PREX2: variants seen among roughly 807,000 people sequenced by gnomAD.
PREX2 encodes the protein phosphatidylinositol 3,4,5-trisphosphate-dependent Rac exchanger 2 protein.
In PREX2, 107 loss-of-function variants were observed where a neutral mutation model predicts 203.2. The observed-to-expected ratio is 0.53, with a 90% confidence interval of 0.45 to 0.62. The LOEUF (loss-of-function observed/expected upper bound fraction) is 0.62, where lower values mean the gene tolerates loss of function less well. PREX2 is among the 20% of genes least tolerant of loss of function. The pLI is 0.00. For synonymous variants in PREX2, 672 were observed against 663.6 expected (o/e 1.01, Z -0.19); for missense variants, 1,777 against 1,955.9 (o/e 0.91, Z 1.72).
intron 1 of PREX2, among the ~76,000 whole-genome samples, chr8:67,962,669 T>C (rs1805664399): frequency 6.6e-6 from 1 of 151,694 alleles, no homozygotes; most frequent in Non-Finnish European, 1.5e-5. Flanking sequence ...TGCAGTGGCA[T>C]GATCTCGGCT....
chr8:68,148,133 G>A (rs1446394893), intron 34 of PREX2, among the ~76,000 whole-genome samples: 1 of 152,088 alleles, frequency 6.6e-6, no homozygotes, highest in Non-Finnish European at 1.5e-5. Context: ...TGTAATCCCA[G>A]CTACTCGGGA....
At chr8:68,199,242 T>C (rs554475626) in intron 37 of PREX2, among the ~76,000 whole-genome samples, 7 of 152,300 alleles carry the variant, frequency 4.6e-5, no homozygotes, top group African/African-American at 1.2e-4. Flanking sequence ...CCCATTACCA[T>C]TGGTAAAACA....
chr8:68,107,550 A>G (rs1180701714), intron 23 of PREX2, among the ~76,000 whole-genome samples: 4 of 152,178 alleles, frequency 2.6e-5, no homozygotes, highest in African/African-American at 9.7e-5. Context: ...TCCTGACTCA[A>G]TGATTAGCAG....
In PREX2 at chr8:68,090,657, C is replaced by T; in HGVS notation, c.2192C>T (p.Thr731Ile). 6.2e-7 allele frequency: 1 copy of T among 1,614,010 alleles called. No homozygotes were observed. Among genetic ancestry groups the T allele is most frequent in the Non-Finnish European group, 8.5e-7 (1 of 1,179,912 alleles). Residue 731 changes from threonine (T) to isoleucine (I), a missense_variant, in exon 20 of 40, where the codon ACA becomes ATA. Transcript: ENST00000288368. Reference protein sequence around the residue: ...KVNGINVSKETHASVIAHVTA... With the variant: ...KVNGINVSKEIHASVIAHVTA... The stretch of plus-strand genomic sequence containing the variant: ...AATGGAATCAATGTCAGCAAAGAGA[C>T]ACATGCCAGTGTCATTGCACACGTT...
At chr8:68,211,353 A>T (rs534411121) in intron 37 of PREX2, among the ~76,000 whole-genome samples, 1 of 152,340 alleles carries the variant, frequency 6.6e-6, no homozygotes, top group Admixed American at 6.5e-5. Context: ...ACTTTAATGA[A>T]CATCTCTTTA....
intron 18 of PREX2, among the ~76,000 whole-genome samples, chr8:68,085,473 A>G (rs967664188): frequency 6.6e-6 from 1 of 152,150 alleles, no homozygotes; most frequent in African/African-American, 2.4e-5. Context: ...GTAGTATCCC[A>G]TTTTGAGGAA....
chr8:68,168,624 T>G (rs1232268356), intron 35 of PREX2, among the ~76,000 whole-genome samples: 1 of 152,192 alleles, frequency 6.6e-6, no homozygotes, highest in East Asian at 1.9e-4. Flanking sequence ...GCCTTCTCAT[T>G]TTGCTTGCTT....
At position 68,134,060 on chromosome 8, in the gene PREX2, T is replaced by C. The variant is rs1369014447; in HGVS notation, c.3768T>C (p.Asp1256=). ...RLLLALLEYS[D]SETQLRRDMV... ...TCTCTATGTTCTCTTTGATCACAGA[T>C]AGTGAGACACAGCTCCGTAGAGACA... Residue 1256 remains aspartate, a splice_region_variant and synonymous_variant, in exon 32 of 40, where the codon GAT becomes GAC. Coordinates refer to ENST00000288368, the MANE Select transcript of PREX2 (RefSeq NM_024870.4). 6.2e-7 allele frequency: 1 copy of C among 1,613,194 alleles called. No homozygotes were observed. The highest frequency in any genetic ancestry group is 8.5e-7 in the Non-Finnish European group (1 of 1,179,166).
chr8:68,017,909 A>AC lies in PREX2; in HGVS notation c.206dup (p.Val70SerfsTer9). ...AGTTGACAAAAATGTGACAGAAGAAACAGTGAAGGTGAGGAGGTACAACTG... is the reference window on the plus strand; with the variant it reads ...AGTTGACAAAAATGTGACAGAAGAAACCAGTGAAGGTGAGGAGGTACAACTG... On this transcript the variant is annotated frameshift_variant, in exon 2 of 40. Coordinates refer to ENST00000288368, the MANE Select transcript of PREX2 (RefSeq NM_024870.4). LOFTEE classifies it high-confidence loss of function. 1 of 1,611,634 alleles carries AC rather than the reference A, an allele frequency of 6.2e-7. No individual in the cohort carries two copies. Among genetic ancestry groups the AC allele is most frequent in the African/African-American group, 1.3e-5 (1 of 74,940 alleles).
intron 35 of PREX2, among the ~76,000 whole-genome samples, chr8:68,180,870 A>G (rs2129614427): frequency 6.6e-6 from 1 of 152,136 alleles, no homozygotes; most frequent in South Asian, 2.1e-4. Context: ...CTTCTTCAGG[A>G]GAAATTTGAA....
At chr8:68,226,569 T>C (rs1008667127) in intron 39 of PREX2, among the ~76,000 whole-genome samples, 3 of 152,222 alleles carry the variant, frequency 2.0e-5, no homozygotes, top group African/African-American at 4.8e-5. Flanking sequence ...TTGATTCAAA[T>C]CCTCAACCCA....
rs1360983735 is a variant in PREX2, at chr8:68,081,625, G to A, written c.1878+787G>A. Among the ~76,000 whole-genome samples the A allele has an allele frequency of 2.0e-5, 3 of 152,184 alleles. No individual in the cohort carries two copies. The East Asian group carries it at 5.8e-4, about 29-fold the overall frequency. Reference sequence around the variant, plus strand: ...TCACCGTTGATAGTGTTTTATATGAGTATAACTTTCATCACCAAAGGACAT... The same window carrying A: ...TCACCGTTGATAGTGTTTTATATGAATATAACTTTCATCACCAAAGGACAT... On this transcript the variant is annotated intron_variant, in intron 17 of 39. Coordinates refer to ENST00000288368, the MANE Select transcript of PREX2 (RefSeq NM_024870.4).
intron 31 of PREX2, among the ~76,000 whole-genome samples, chr8:68,132,185 CTT>C (rs997837803): frequency 2.0e-5 from 3 of 152,056 alleles, no homozygotes; most frequent in Non-Finnish European, 4.4e-5. Context: ...GCCACTGACT[CTT>C]TATTTTAATC....
At position 68,226,065 on chromosome 8, in the gene PREX2, C is replaced by G. The variant is rs144700447; in HGVS notation, c.4775+1439C>G. Among the ~76,000 whole-genome samples the G allele has an allele frequency of 7.2e-5, 11 of 152,116 alleles. No homozygotes were observed. The East Asian group carries it at 1.7e-3, about 24-fold the overall frequency. On this transcript the variant is annotated intron_variant, in intron 39 of 39. Transcript: ENST00000288368. The stretch of plus-strand genomic sequence containing the variant: ...TCTTTATTGGGTGATGTTAAAAACA[C>G]TCGAAACGAAACGCAATAAAATGAG...
intron 34 of PREX2, among the ~76,000 whole-genome samples, chr8:68,156,626 A>G (rs559729267): frequency 3.3e-5 from 5 of 152,332 alleles, no homozygotes; most frequent in Admixed American, 1.3e-4. Flanking sequence ...TACCTCATGT[A>G]TACATGGGAG....
intron 1 of PREX2, among the ~76,000 whole-genome samples, chr8:67,992,527 T>A (rs1380401939): frequency 2.6e-5 from 4 of 152,218 alleles, no homozygotes; most frequent in Non-Finnish European, 4.4e-5. Context: ...TGATCAGATA[T>A]TGAACCTTTT....
At chr8:68,018,984 T>C (rs1374708341) in intron 2 of PREX2, among the ~76,000 whole-genome samples, 1 of 152,188 alleles carries the variant, frequency 6.6e-6, no homozygotes, top group Non-Finnish European at 1.5e-5. Context: ...CTTACTGAAA[T>C]TGAATTGAAG....
At chr8:67,988,163 CCA>C (rs1806491476) in intron 1 of PREX2, among the ~76,000 whole-genome samples, 1 of 152,132 alleles carries the variant, frequency 6.6e-6, no homozygotes, top group Non-Finnish European at 1.5e-5. Flanking sequence ...ATGCCAGAGC[CCA>C]CAGTTACCTT....
chr8:68,199,925 C>T (rs1347414736), intron 37 of PREX2, among the ~76,000 whole-genome samples: 1 of 152,162 alleles, frequency 6.6e-6, no homozygotes, highest in Non-Finnish European at 1.5e-5. Context: ...CATCTTTTCT[C>T]TACTGCACAA....
Sources: allele counts gnomAD v4.1 joint callset (sites outside exome capture counted in the v4.1 genomes callset), GRCh38; gene constraint gnomAD v4.1.1; transcripts MANE v1.5; gene names NCBI Gene and HGNC (gene_info 2026-07-23, HGNC 2026-07-21).